SLC6A4: variants seen among roughly 807,000 people sequenced by gnomAD.
The protein encoded by SLC6A4 is solute carrier family 6 member 4, also known as sodium-dependent serotonin transporter.
SLC6A4 carries 22 observed loss-of-function variants against 73.4 expected under a neutral mutation model. The ratio of observed to expected loss-of-function variants is 0.30; its 90% confidence interval spans 0.21 to 0.43. The LOEUF (loss-of-function observed/expected upper bound fraction) is 0.43, where lower values mean the gene tolerates loss of function less well. Among genes scored for constraint, SLC6A4 ranks in the 20% least tolerant of loss-of-function variants. The pLI is 1.00. For synonymous variants in SLC6A4, 270 were observed against 315.5 expected, an observed-to-expected ratio of 0.86 and a Z score of 1.53; for missense variants, 593 against 808.5, an observed-to-expected ratio of 0.73 and a Z score of 3.23.
At position 30,212,875 on chromosome 17, in the gene SLC6A4, G is replaced by A; in HGVS notation, c.1077-8C>T. On this transcript the variant is annotated splice_region_variant and splice_polypyrimidine_tract_variant and intron_variant, in intron 8 of 14. Coordinates refer to ENST00000650711, the MANE Select transcript of SLC6A4 (RefSeq NM_001045.6). ...CTGGTCACCAGGGCATCTCTGGAGGGGAAAACCCAAGGGGCCGCCTGAGAC... is the reference window on the plus strand; with the variant it reads ...CTGGTCACCAGGGCATCTCTGGAGGAGAAAACCCAAGGGGCCGCCTGAGAC... The A allele has an allele frequency of 6.2e-7, 1 of 1,613,996 alleles. No homozygotes were observed. The highest frequency in any genetic ancestry group is 8.5e-7 in the Non-Finnish European group (1 of 1,179,952).
intron 13 of SLC6A4, among the ~76,000 whole-genome samples, chr17:30,204,105 A>G (rs1906117814): frequency 6.6e-6 from 1 of 152,258 alleles, no homozygotes; most frequent in African/African-American, 2.4e-5. Context: ...AATTTTGACC[A>G]AGAAAAATTC....
intron 3 of SLC6A4, among the ~76,000 whole-genome samples, chr17:30,219,183 CGACAGAACA>C (rs1470046421): frequency 6.6e-6 from 1 of 152,110 alleles, no homozygotes; most frequent in Non-Finnish European, 1.5e-5. Flanking sequence ...GTTTGGGAGT[CGACAGAACA>C]GGCAGGATCA....
chr17:30,230,913 G>C (rs1027762867), intron 1 of SLC6A4, among the ~76,000 whole-genome samples: 2 of 152,130 alleles, frequency 1.3e-5, no homozygotes, highest in African/African-American at 4.8e-5. Context: ...TTTAGTGTGA[G>C]TCACACAGTT....
chr17:30,213,613 G>A (rs779910856), intron 8 of SLC6A4, among the ~76,000 whole-genome samples: 1 of 152,070 alleles, frequency 6.6e-6, no homozygotes, highest in Non-Finnish European at 1.5e-5. Flanking sequence ...TAGGGTACAT[G>A]TGAATCTCCC....
intron 3 of SLC6A4, among the ~76,000 whole-genome samples, chr17:30,220,721 G>A (rs1222188371): frequency 6.6e-6 from 1 of 152,140 alleles, no homozygotes; most frequent in Non-Finnish European, 1.5e-5. Context: ...CTACCCTCGT[G>A]GACTCTTCCC....
At chr17:30,214,072 T>G (rs1474022031) in intron 8 of SLC6A4, among the ~76,000 whole-genome samples, 1 of 152,072 alleles carries the variant, frequency 6.6e-6, no homozygotes, top group Non-Finnish European at 1.5e-5. Flanking sequence ...AAAACCATAA[T>G]TGGTGTAACA....
At chr17:30,220,469 C>A (rs1203290370) in intron 3 of SLC6A4, among the ~76,000 whole-genome samples, 1 of 152,122 alleles carries the variant, frequency 6.6e-6, no homozygotes, top group Non-Finnish European at 1.5e-5. Flanking sequence ...GTACAAGGAA[C>A]AAGATAGGGC....
At position 30,207,740 on chromosome 17, in the gene SLC6A4, A is replaced by G. The variant is rs1350322936; in HGVS notation, c.1642T>C (p.Phe548Leu). ...GGGAAATGGCAACTCACCAGGAGAA[A>G]CAGAGGGCTGATGGCCACCCAGCAG... ...RICWVAISPLFLLFIICSFLM... is the reference protein window; with the variant it reads ...RICWVAISPLLLLFIICSFLM... Residue 548 changes from phenylalanine (F) to leucine (L), a missense_variant, in exon 13 of 15, where the codon TTT (phenylalanine) becomes CTT (leucine). Coordinates refer to ENST00000650711, the MANE Select transcript of SLC6A4 (RefSeq NM_001045.6). 6.2e-7 allele frequency: 1 copy of G among 1,609,656 alleles called. No individual in the cohort carries two copies. Among genetic ancestry groups the G allele is most frequent in the African/African-American group, 1.3e-5 (1 of 74,942 alleles).
Position 30,216,121 on chromosome 17 carries a change from G to C in SLC6A4, c.933C>G (p.Phe311Leu), listed in dbSNP as rs1020956488. ...GTTTCTGCCAATTGGGTTTCAAGTA[G>C]AAGAGAACACCCCTCCAGGCTCCAG... is the stretch of plus-strand genomic sequence containing the variant. ...TLPGAWRGVLFYLKPNWQKLL... is the reference protein window; with the variant it reads ...TLPGAWRGVLLYLKPNWQKLL... Residue 311 changes from phenylalanine (F) to leucine (L), a missense_variant, in exon 7 of 15, where the codon TTC (phenylalanine) becomes TTG (leucine). Transcript: ENST00000650711. 3.1e-6 allele frequency: 5 copies of C among 1,613,464 alleles called. No homozygotes were observed. The Admixed American group carries it at 6.7e-5, about 22-fold the overall frequency.
At chr17:30,216,251 AGGGAGGGGAGGGGAG>A in intron 6 of SLC6A4, 35 bp from the exon 7 acceptor site, 5 of 485,540 alleles carry the variant, frequency 1.0e-5, no homozygotes, top group Non-Finnish European at 1.2e-5. Flanking sequence ...ATGCTGTTCC[AGGGAGGGGAGGGGAG>A]GGGAGGGGAG....
chr17:30,214,130 T>C (rs777654058), intron 8 of SLC6A4, among the ~76,000 whole-genome samples: 1 of 152,084 alleles, frequency 6.6e-6, no homozygotes, highest in Non-Finnish European at 1.5e-5. Context: ...TTGCAAAAAT[T>C]ATGGCATTTT....
chr17:30,226,622 C>T (rs540395292), intron 1 of SLC6A4, among the ~76,000 whole-genome samples: 1 of 152,216 alleles, frequency 6.6e-6, no homozygotes, highest in Admixed American at 6.5e-5. Flanking sequence ...ATTGCCTGAA[C>T]CCAGGAAGCG....
rs1906429776 is a variant in SLC6A4, at chr17:30,212,847, A to T, written c.1097T>A (p.Val366Glu). ...AACGAAGCTCGTCATGCAGTTCACC[A>T]CGCTGGTCACCAGGGCATCTCTGGA... is the stretch of plus-strand genomic sequence containing the variant. The part of the protein sequence containing the change: ...NCYQDALVTS[V>E]VNCMTSFVSG... The change falls in exon 9 of 15, where the codon GTG (valine) becomes GAG (glutamate). Residue 366 changes from valine to glutamate, a missense_variant. By Grantham distance (121) the Val-to-Glu change is moderately radical. Transcript: ENST00000650711. The T allele has an allele frequency of 6.2e-7, 1 of 1,613,990 alleles. No individual in the cohort carries two copies.
chr17:30,225,023 T>G (rs1906886988), intron 1 of SLC6A4, among the ~76,000 whole-genome samples: 1 of 152,054 alleles, frequency 6.6e-6, no homozygotes, highest in Non-Finnish European at 1.5e-5. Context: ...TTAAAAAATT[T>G]TACATCAACA....
rs369351682 is a variant in SLC6A4 at position 30,218,790 on chromosome 17, C to T, written c.478+7G>A. The T allele has an allele frequency of 2.5e-6, 4 of 1,613,970 alleles. No homozygotes were observed. Among genetic ancestry groups the T allele is most frequent in the Non-Finnish European group, 3.4e-6 (4 of 1,179,996 alleles). On this transcript the variant is annotated splice_region_variant and intron_variant, in intron 4 of 14. Coordinates refer to ENST00000650711, the MANE Select transcript of SLC6A4 (RefSeq NM_001045.6). The stretch of plus-strand genomic sequence containing the variant: ...CACTTACCCACCCCACCGAGCCCTT[C>T]AGTTACCTTTGAAAATCGGGCAGAT...
intron 13 of SLC6A4, among the ~76,000 whole-genome samples, chr17:30,206,890 G>C (rs1388174603): frequency 2.6e-5 from 4 of 151,510 alleles, no homozygotes; most frequent in African/African-American, 4.9e-5. Flanking sequence ...ATTTTTAGTA[G>C]AGACGGGGTT....
In SLC6A4 at chr17:30,209,194, C is replaced by A. The variant is rs1366793189; in HGVS notation, c.1498G>T (p.Ala500Ser). 6.2e-7 allele frequency: 1 copy of A among 1,613,768 alleles called. No individual in the cohort carries two copies. The highest frequency in any genetic ancestry group is 8.5e-7 in the Non-Finnish European group (1 of 1,179,798). ...TCGATCAGCGCGACAGTGAGCACTG[C>A]GGGCCCCGTGGCATACTCCTCCAGC... ...KLLEEYATGP[A>S]VLTVALIEAV... The change falls in exon 12 of 15, where the codon GCA becomes TCA. Residue 500 changes from alanine to serine, a missense_variant. Coordinates refer to ENST00000650711, the MANE Select transcript of SLC6A4 (RefSeq NM_001045.6).
At chr17:30,234,861 T>C (rs563218644) in intron 1 of SLC6A4, among the ~76,000 whole-genome samples, 61 of 152,320 alleles carry the variant, frequency 4.0e-4, no homozygotes, top group South Asian at 2.1e-4. Context: ...AACAATTCAA[T>C]ATGCAAAAGC....
At chr17:30,209,768 T>A (rs892020690) in intron 11 of SLC6A4, among the ~76,000 whole-genome samples, 4 of 152,200 alleles carry the variant, frequency 2.6e-5, no homozygotes, top group Admixed American at 2.6e-4. Context: ...TCTTCTCATT[T>A]CTTCACCCCA....
Sources: gnomAD v4.1 joint callset for allele counts (sites outside exome capture counted in the v4.1 genomes callset) on GRCh38, gnomAD v4.1.1 for gene constraint, MANE v1.5 for transcripts, NCBI Gene and HGNC (gene_info 2026-07-23, HGNC 2026-07-21) for gene names.